LPA: variants seen among roughly 807,000 people sequenced by gnomAD.
LPA encodes the protein apolipoprotein(a).
LPA carries 199 observed loss-of-function variants against 197.9 expected under a neutral mutation model. The ratio of observed to expected loss-of-function variants is 1.01; its 90% CI spans 0.90 to 1.13. The LOEUF (loss-of-function observed/expected upper bound fraction) is 1.13. LPA is among the 50% of genes most tolerant of loss of function. The pLI is 0.00. For synonymous variants in LPA, 715 were observed against 639.5 expected, an observed-to-expected ratio of 1.12 and a Z score of -1.78; for missense variants, 1,853 against 1,785.8, an observed-to-expected ratio of 1.04 and a Z score of -0.68.
In LPA at chr6:160,557,292, T is replaced by A. The variant is rs1372371242; in HGVS notation, c.4813+98A>T. On this transcript the variant is annotated intron_variant, in intron 29 of 38. Coordinates refer to ENST00000316300, the MANE Select transcript of LPA (RefSeq NM_005577.4). ...TCTTTCCACCTGCCATACCCTCAAG[T>A]TTCTGTGTAGCATGGAAGGCTTCTG... 9.1e-6 allele frequency: 13 copies of A among 1,428,834 alleles called. No individual in the cohort carries two copies. In the East Asian group the frequency reaches 1.8e-4, roughly 20 times the overall value. The allele number at this position is 1,428,834 out of a possible 1,614,324, so 88.5% of individuals were successfully genotyped here.
chr6:160,608,990 A>C (rs956925590), intron 16 of LPA, among the ~76,000 whole-genome samples: 1 of 152,066 alleles, frequency 6.6e-6, no homozygotes, highest in Non-Finnish European at 1.5e-5. Flanking sequence ...TTTTTCTTTT[A>C]AGACATAGCT....
Position 160,650,321 on chromosome 6 carries a change from T to C in LPA, c.209+17A>G. 1 of 1,612,366 alleles carries C rather than the reference T, an allele frequency of 6.2e-7. No homozygotes were observed. Among genetic ancestry groups the C allele is most frequent in the South Asian group, 1.1e-5 (1 of 91,030 alleles). On this transcript the variant is annotated intron_variant, in intron 2 of 38. Coordinates refer to ENST00000316300, the MANE Select transcript of LPA (RefSeq NM_005577.4). ...TACTTGGACCTTGTTTTGCTTACTG[T>C]AAGATTAATGACATACGCATTTGGG... is the stretch of plus-strand genomic sequence containing the variant.
At chr6:160,574,593 C>G (rs1312472598) in intron 28 of LPA, among the ~76,000 whole-genome samples, 1 of 152,166 alleles carries the variant, frequency 6.6e-6, no homozygotes, top group Non-Finnish European at 1.5e-5. Flanking sequence ...TTCCTCTACC[C>G]CTATATTTTG....
intron 16 of LPA, among the ~76,000 whole-genome samples, chr6:160,610,095 T>C (rs919899926): frequency 1.9e-4 from 29 of 152,296 alleles, no homozygotes; most frequent in Non-Finnish European, 3.8e-4. Flanking sequence ...GCAATTCTAA[T>C]TATCGATGTC....
At position 160,606,472 on chromosome 6, in the gene LPA, C is replaced by T. The variant is rs368377491; in HGVS notation, c.2785+5G>A. 5 of 1,613,220 alleles carry T rather than the reference C, an allele frequency of 3.1e-6. No homozygotes were observed. Among genetic ancestry groups the T allele is most frequent in the Non-Finnish European group, 4.2e-6 (5 of 1,179,810 alleles). On this transcript the variant is annotated splice_donor_5th_base_variant and intron_variant, in intron 17 of 38. Transcript: ENST00000316300. ...CGTGTAGGTTTCTGGCCACAGGCTCCTTACCTTGTTCAGAAGGAGCCTCTA... is the reference window on the plus strand; with the variant it reads ...CGTGTAGGTTTCTGGCCACAGGCTCTTTACCTTGTTCAGAAGGAGCCTCTA...
intron 28 of LPA, among the ~76,000 whole-genome samples, chr6:160,575,551 C>A (rs1392892017): frequency 6.6e-6 from 1 of 152,164 alleles, no homozygotes; most frequent in Non-Finnish European, 1.5e-5. Context: ...TTTGGTCTTT[C>A]TGACTTGCTT....
chr6:160,611,420 A>C, intron 16 of LPA, 142 bp downstream of exon 16: 1 of 1,493,318 alleles, frequency 6.7e-7, no homozygotes. Context: ...CCTTAGCTCC[A>C]AGGAAATCAT....
At chr6:160,593,706 C>T (rs1779074636) in intron 22 of LPA, among the ~76,000 whole-genome samples, 1 of 152,142 alleles carries the variant, frequency 6.6e-6, no homozygotes, top group Non-Finnish European at 1.5e-5. Context: ...GGCCATGTGT[C>T]CTGAGCTTTC....
intron 18 of LPA, 45 bp downstream of exon 18, chr6:160,605,001 T>C: frequency 1.2e-6 from 2 of 1,611,046 alleles, no homozygotes; most frequent in African/African-American, 1.3e-5. Context: ...TAACAGAAAT[T>C]TCCACTGACC....
chr6:160,550,244 C>T (rs933199251), intron 30 of LPA, among the ~76,000 whole-genome samples: 10 of 150,672 alleles, frequency 6.6e-5, no homozygotes, highest in Admixed American at 1.3e-4. Context: ...AAAGCACAGC[C>T]GGTGAGGACC....
At chr6:160,532,462 G>A in intron 38 of LPA, 69 bp downstream of exon 38, 1 of 1,283,610 alleles carries the variant, frequency 7.8e-7, no homozygotes. Flanking sequence ...GCCACTTTGG[G>A]ACTGACGTCT....
intron 22 of LPA, among the ~76,000 whole-genome samples, chr6:160,591,316 G>A (rs574880092): frequency 2.6e-5 from 4 of 152,186 alleles, no homozygotes; most frequent in East Asian, 1.9e-4. Flanking sequence ...ATCCAAACTC[G>A]TCTATACTCC....
intron 30 of LPA, among the ~76,000 whole-genome samples, chr6:160,555,052 G>T (rs191537097): frequency 8.6e-5 from 13 of 151,778 alleles, no homozygotes; most frequent in African/African-American, 3.1e-4. Flanking sequence ...GTCATTTATG[G>T]CAGAAAGCCA....
Position 160,586,525 on chromosome 6 carries a change from A to G in LPA, c.4053T>C (p.Cys1351=), listed in dbSNP as rs1338373117. The G allele has an allele frequency of 6.2e-7, 1 of 1,613,662 alleles. No individual in the cohort carries two copies. Among genetic ancestry groups the G allele is most frequent in the Non-Finnish European group, 8.5e-7 (1 of 1,179,788 alleles). ...TGAGGAGAGTTGATTCCATCACTGG[A>G]CATTGCGTCAGGTTGCAGTACTCCC... is the stretch of plus-strand genomic sequence containing the variant. ...VRWEYCNLTQ[C]PVMESTLLTT... The change falls in exon 25 of 39, where the codon TGT becomes TGC. Residue 1351 remains cysteine (C), a synonymous_variant. Coordinates refer to ENST00000316300, the MANE Select transcript of LPA (RefSeq NM_005577.4).
intron 2 of LPA, among the ~76,000 whole-genome samples, chr6:160,648,435 T>C (rs925256423): frequency 6.6e-6 from 1 of 152,180 alleles, no homozygotes; most frequent in Non-Finnish European, 1.5e-5. Flanking sequence ...GCTTTCAGTA[T>C]ATATTTCTGT....
At chr6:160,608,595 T>A (rs534968299) in intron 16 of LPA, among the ~76,000 whole-genome samples, 2 of 152,268 alleles carry the variant, frequency 1.3e-5, no homozygotes, top group Admixed American at 1.3e-4. Context: ...TTTTCTTTTT[T>A]TCGAAACGCC....
chr6:160,582,185 G>C (rs186702357), intron 26 of LPA, among the ~76,000 whole-genome samples: 1 of 151,978 alleles, frequency 6.6e-6, no homozygotes, highest in East Asian at 1.9e-4. Flanking sequence ...CACTCTAAAG[G>C]TGTTATTCCA....
In LPA at chr6:160,548,003, C is replaced by T. The variant is rs1008932577; in HGVS notation, c.5156-66G>A. 7.3e-5 allele frequency: 112 copies of T among 1,543,020 alleles called. 1 individual carries two copies. The highest frequency in any genetic ancestry group is 4.9e-4 in the South Asian group (44 of 89,460). On this transcript the variant is annotated intron_variant, in intron 31 of 38. Transcript: ENST00000316300. Reference sequence around the variant, plus strand: ...GCCAGGCAGCCACATAGACCCAGGACGATACAGAATCAATGCAGTCATGTC... The same window carrying T: ...GCCAGGCAGCCACATAGACCCAGGATGATACAGAATCAATGCAGTCATGTC...
At chr6:160,591,435 G>A (rs1453972668) in intron 22 of LPA, among the ~76,000 whole-genome samples, 1 of 152,176 alleles carries the variant, frequency 6.6e-6, no homozygotes, top group African/African-American at 2.4e-5. Context: ...ATTTTGAAGT[G>A]AGTCTTGTAG....
Sources: allele counts gnomAD v4.1 joint callset (sites outside exome capture counted in the v4.1 genomes callset), GRCh38; gene constraint gnomAD v4.1.1; transcripts MANE v1.5; gene names NCBI Gene and HGNC (gene_info 2026-07-23, HGNC 2026-07-21).